The following HEATR4 variants were observed in gnomAD, a reference collection of about 807,000 sequenced individuals.
The protein encoded by HEATR4 is HEAT repeat-containing protein 4.
A neutral mutation model predicts 108.8 loss-of-function variants in HEATR4; 95 were observed. The ratio of observed to expected loss-of-function variants is 0.87; its 90% confidence interval spans 0.74 to 1.04. HEATR4 has a LOEUF of 1.04. Ranked by LOEUF, HEATR4 falls within the 50% of genes least tolerant of loss-of-function variation. The pLI is 0.00. For synonymous variants in HEATR4, 443 were observed against 459.4 expected (o/e 0.96, Z 0.46); for missense variants, 1,152 against 1,253.8 (o/e 0.92, Z 1.23).
chr14:73,602,053 G>T, the HEATR4 span, among the ~76,000 whole-genome samples: 1 of 151,924 alleles, frequency 6.6e-6, no homozygotes, highest in Admixed American at 6.6e-5. Context: ...CGATTCTCCT[G>T]CCTCAGCCTC....
chr14:73,507,990 C>A, intron 9 of HEATR4, 144 bp downstream of exon 9: 1 of 720,266 alleles, frequency 1.4e-6, no homozygotes, highest in Non-Finnish European at 2.3e-6. Context: ...AAGTGATCCA[C>A]CTGCCTCGGC....
the HEATR4 span, among the ~76,000 whole-genome samples, chr14:73,584,245 G>A: frequency 1.3e-5 from 2 of 151,560 alleles, no homozygotes; most frequent in Non-Finnish European, 2.9e-5. Context: ...TCAGGTGCCC[G>A]GTCAGGTCTC....
chr14:73,496,780 TC>T, intron 14 of HEATR4, 101 bp from the exon 15 acceptor site: 2 of 704,508 alleles, frequency 2.8e-6, no homozygotes, highest in Admixed American at 4.7e-5. Flanking sequence ...AATCCCAAGT[TC>T]CAATCCTAAC....
chr14:73,619,699 G>A, the HEATR4 span: 12 of 1,614,140 alleles, frequency 7.4e-6, no homozygotes, highest in Admixed American at 3.3e-5. Flanking sequence ...TTCTGTGCAC[G>A]CTGTTTTGGG....
rs1595146905 is a variant in HEATR4, at chr14:73,530,148, G to A, written c.-73+18C>T. 1 of 126,818 alleles carries A rather than the reference G, an allele frequency of 7.9e-6. No homozygotes were observed. The highest frequency in any genetic ancestry group is 1.7e-5 in the Non-Finnish European group (1 of 58,556). The allele number at this position is 126,818 out of a possible 1,614,324, so 7.9% of individuals were successfully genotyped here. A position where few individuals can be genotyped will look rare whatever the true frequency, so the allele number is the denominator to read the frequency against. On this transcript the variant is annotated intron_variant, in intron 2 of 17. Transcript: ENST00000553558. ...TGGCTAATGTTTTAAAACTTTTTTT[G>A]TAGAGACAGGGTCTTACTATGTTGT...
the HEATR4 span, chr14:73,612,548 C>T: frequency 1.6e-6 from 2 of 1,284,288 alleles, no homozygotes; most frequent in South Asian, 1.9e-5. Flanking sequence ...GGAGCTGGGT[C>T]GCCCCTGTTC....
chr14:73,564,433 C>T, the HEATR4 span, among the ~76,000 whole-genome samples: 18 of 151,864 alleles, frequency 1.2e-4, no homozygotes, highest in South Asian at 3.1e-3. Context: ...AGGGAGACCC[C>T]GTCTGTACAA....
the HEATR4 span, among the ~76,000 whole-genome samples, chr14:73,590,372 G>A: frequency 1.3e-5 from 2 of 152,362 alleles, no homozygotes; most frequent in African/African-American, 4.8e-5. Context: ...TAGACATAAA[G>A]ATTCTCCAAG....
intron 1 of HEATR4, chr14:73,541,396 G>C: frequency 2.0e-6 from 2 of 1,023,032 alleles, no homozygotes; most frequent in Non-Finnish European, 2.7e-6. Context: ...GGATTGCTGG[G>C]TCACATGTGT....
At chr14:73,479,442 T>TC (rs1482307770) in intron 17 of HEATR4, among the ~76,000 whole-genome samples, 278 of 135,326 alleles carry the variant, frequency 2.1e-3, no homozygotes, top group African/African-American at 6.9e-3. Context: ...TTTCTTTCTT[T>TC]TTTTTTTTTT....
chr14:73,564,239 A>C, the HEATR4 span, among the ~76,000 whole-genome samples: 1 of 151,366 alleles, frequency 6.6e-6, no homozygotes, highest in Non-Finnish European at 1.5e-5. Flanking sequence ...CAGAGGTTGC[A>C]GTGAGCCGAG....
At chr14:73,610,242 G>A in the HEATR4 span, among the ~76,000 whole-genome samples, 4 of 151,126 alleles carry the variant, frequency 2.6e-5, no homozygotes, top group South Asian at 4.2e-4. Context: ...AATATATTCC[G>A]GCCATGGCTT....
chr14:73,561,499 C>A (rs954883716), upstream of HEATR4, among the ~76,000 whole-genome samples: 3 of 150,926 alleles, frequency 2.0e-5, no homozygotes, highest in Admixed American at 6.6e-5. Flanking sequence ...ACCAGCTTGG[C>A]CAACACAGTA....
In HEATR4 at chr14:73,500,583, C is replaced by G. The variant is rs927659000; in HGVS notation, c.2253G>C (p.Leu751Phe). Residue 751 changes from leucine (L) to phenylalanine (F), a missense_variant, in exon 12 of 18, where the codon TTG becomes TTC. By Grantham distance (22) the Leu-to-Phe change is conservative. Coordinates refer to ENST00000553558, the MANE Select transcript of HEATR4 (RefSeq NM_001220484.1). Reference protein sequence around the residue: ...DFTAVRRAACLAAGALQIRDK... With the variant: ...DFTAVRRAACFAAGALQIRDK... ...CGCGGATCTGCAGGGCACCAGCTGC[C>G]AAACAGGCTGCCCGCCGAACTGCTG... 2 of 1,613,754 alleles carry G rather than the reference C, an allele frequency of 1.2e-6. No homozygotes were observed. The highest frequency in any genetic ancestry group is 1.1e-5 in the South Asian group (1 of 91,046).
At chr14:73,507,965 C>T (rs933639617) in intron 9 of HEATR4, among the ~76,000 whole-genome samples, 169 bp downstream of exon 9, 4 of 152,092 alleles carry the variant, frequency 2.6e-5, no homozygotes, top group African/African-American at 4.8e-5. Context: ...AGTCTGGTCT[C>T]GAACTCCTGA....
the HEATR4 span, among the ~76,000 whole-genome samples, chr14:73,586,084 T>C: frequency 1.3e-5 from 2 of 151,746 alleles, no homozygotes; most frequent in Admixed American, 6.6e-5. Flanking sequence ...AAAACATTTA[T>C]TTTTTATTTT....
chr14:73,478,888 C>T (rs1399943799), intron 17 of HEATR4, 46 bp from the exon 18 acceptor site: 4 of 1,464,958 alleles, frequency 2.7e-6, no homozygotes, highest in Admixed American at 4.0e-5. Context: ...AAACGTGTCT[C>T]ATGTGAGCGG....
rs1203344106 is a variant in HEATR4, at chr14:73,528,215, C to T, written c.-73+1951G>A. ...TTTGAAATCAGTCTGGCCAACATGG[C>T]GAAGCCCCATCTCTACTAAAAATAC... On this transcript the variant is annotated intron_variant, in intron 2 of 17. Transcript: ENST00000553558. Among the ~76,000 whole-genome samples the T allele has an allele frequency of 2.0e-4, 31 of 151,710 alleles. No individual in the cohort carries two copies. In the East Asian group the frequency reaches 5.4e-3, roughly 27 times the overall value.
At chr14:73,565,324 T>C in the HEATR4 span, among the ~76,000 whole-genome samples, 1 of 152,080 alleles carries the variant, frequency 6.6e-6, no homozygotes, top group Non-Finnish European at 1.5e-5. Context: ...TAAAGCATAG[T>C]TGTTCAGAGC....
Sources: allele counts gnomAD v4.1 joint callset (sites outside exome capture counted in the v4.1 genomes callset), GRCh38; gene constraint gnomAD v4.1.1; transcripts MANE v1.5; gene names NCBI Gene and HGNC (gene_info 2026-07-23, HGNC 2026-07-21).